Variants in ZMPSTE24 observed in about 807,000 individuals in gnomAD.
The protein encoded by ZMPSTE24 is CAAX prenyl protease 1 homolog.
Under a neutral mutation model 56.7 loss-of-function variants are expected in ZMPSTE24, and 48 were observed. That is an observed-to-expected ratio of 0.85 (90% CI 0.67 to 1.08). ZMPSTE24 has a LOEUF of 1.08. Among genes scored for constraint, ZMPSTE24 ranks in the 50% least tolerant of loss-of-function variants. The probability of loss-of-function intolerance (pLI) is 0.00; values close to 1 mark genes in which losing one functional copy is unlikely to be tolerated. For synonymous variants in ZMPSTE24, 172 were observed against 195.2 expected, an observed-to-expected ratio of 0.88 and a Z score of 0.99; for missense variants, 503 against 548.7, an observed-to-expected ratio of 0.92 and a Z score of 0.83.
At chr1:40,281,668 C>G in intron 7 of ZMPSTE24, 141 bp downstream of exon 7, 1 of 876,288 alleles carries the variant, frequency 1.1e-6, no homozygotes, top group Non-Finnish European at 1.8e-6. Context: ...CTTTATAGTT[C>G]TGGTATTTAG....
intron 6 of ZMPSTE24, among the ~76,000 whole-genome samples, chr1:40,281,083 T>C (rs1386157739): frequency 6.6e-6 from 1 of 152,254 alleles, no homozygotes; most frequent in Non-Finnish European, 1.5e-5. Flanking sequence ...AGTTTTACTA[T>C]AATTGAATCA....
chr1:40,258,385 A>C lies in ZMPSTE24; in HGVS notation c.114A>C (p.Ala38=). The change falls in exon 1 of 10, where the codon GCA becomes GCC. Residue 38 remains alanine (A), a synonymous_variant. Coordinates refer to ENST00000372759, the MANE Select transcript of ZMPSTE24 (RefSeq NM_005857.5). ...TGTATCTTTGGGAGACCTTCCTAGC[A>C]CAGCGGCAGGTGAGCCTAGACAGGG... is the stretch of plus-strand genomic sequence containing the variant. ...WTVYLWETFL[A]QRQRRIYKTT... The C allele has an allele frequency of 6.2e-7, 1 of 1,614,080 alleles. No homozygotes were observed. The highest frequency in any genetic ancestry group is 8.5e-7 in the Non-Finnish European group (1 of 1,180,014).
chr1:40,261,083 A>C, intron 2 of ZMPSTE24, 98 bp downstream of exon 2: 1 of 1,452,792 alleles, frequency 6.9e-7, no homozygotes, highest in Non-Finnish European at 9.6e-7. Context: ...AAGTCCCAGA[A>C]TGCTTTCTTA....
intron 6 of ZMPSTE24, among the ~76,000 whole-genome samples, chr1:40,280,317 G>A (rs1265186828): frequency 1.3e-5 from 2 of 152,156 alleles, no homozygotes; most frequent in Non-Finnish European, 2.9e-5. Context: ...TGCGCTGTAC[G>A]TTCGTTAGCA....
At chr1:40,281,692 T>A (rs1643731934) in intron 7 of ZMPSTE24, among the ~76,000 whole-genome samples, 165 bp downstream of exon 7, 1 of 152,182 alleles carries the variant, frequency 6.6e-6, no homozygotes, top group Admixed American at 6.5e-5. Flanking sequence ...AGATCACCAC[T>A]ATTATTACAT....
chr1:40,265,747 C>T (rs1432874487), intron 2 of ZMPSTE24, among the ~76,000 whole-genome samples: 1 of 152,142 alleles, frequency 6.6e-6, no homozygotes, highest in Non-Finnish European at 1.5e-5. Flanking sequence ...CTTTAGTGTA[C>T]ATCAGGTTTA....
intron 6 of ZMPSTE24, among the ~76,000 whole-genome samples, chr1:40,273,250 G>A (rs937012029): frequency 6.6e-6 from 1 of 152,106 alleles, no homozygotes; most frequent in African/African-American, 2.4e-5. Context: ...GGGCGCTGTG[G>A]CTCACGCCTG....
At chr1:40,262,809 G>T (rs568331965) in intron 2 of ZMPSTE24, 3 of 1,179,510 alleles carry the variant, frequency 2.5e-6, no homozygotes, top group Non-Finnish European at 3.2e-6. Context: ...TTTGTCAACT[G>T]ACATTTCCCC....
intron 5 of ZMPSTE24, among the ~76,000 whole-genome samples, chr1:40,270,598 G>A (rs1454179125): frequency 1.3e-5 from 2 of 151,576 alleles, no homozygotes; most frequent in Non-Finnish European, 2.9e-5. Flanking sequence ...TCCCTTCTTT[G>A]CCCCATCTGC....
At chr1:40,265,641 A>C (rs571383993) in intron 2 of ZMPSTE24, among the ~76,000 whole-genome samples, 1 of 152,294 alleles carries the variant, frequency 6.6e-6, no homozygotes, top group East Asian at 1.9e-4. Flanking sequence ...AAATTCAGTA[A>C]GCTATGATCA....
chr1:40,282,287 A>G (rs1215237572), intron 7 of ZMPSTE24, among the ~76,000 whole-genome samples: 1 of 152,212 alleles, frequency 6.6e-6, no homozygotes, highest in Non-Finnish European at 1.5e-5. Flanking sequence ...CTTTTCGTGG[A>G]TAAGATTGAC....
At chr1:40,281,071 A>G (rs1337087725) in intron 6 of ZMPSTE24, among the ~76,000 whole-genome samples, 1 of 152,198 alleles carries the variant, frequency 6.6e-6, no homozygotes, top group Non-Finnish European at 1.5e-5. Context: ...ATTCCATTTC[A>G]TAGTTTTACT....
chr1:40,266,774 T>G (rs1643553330), intron 2 of ZMPSTE24, among the ~76,000 whole-genome samples: 1 of 143,524 alleles, frequency 7.0e-6, no homozygotes, highest in Non-Finnish European at 1.5e-5. Flanking sequence ...TTTTTTTTTT[T>G]TTTTTTTTTT....
At chr1:40,290,728 C>G in intron 8 of ZMPSTE24, 126 bp from the exon 9 acceptor site, 1 of 1,114,954 alleles carries the variant, frequency 9.0e-7, no homozygotes, top group East Asian at 2.5e-5. Flanking sequence ...TCCCAAAGTG[C>G]TGGGATTACA....
At chr1:40,270,473 T>C (rs1643603252) in intron 5 of ZMPSTE24, among the ~76,000 whole-genome samples, 1 of 152,186 alleles carries the variant, frequency 6.6e-6, no homozygotes, top group African/African-American at 2.4e-5. Context: ...CCTAAAATCA[T>C]GGTTATTTTG....
chr1:40,285,851 G>T, intron 7 of ZMPSTE24, 74 bp from the exon 8 acceptor site: 1 of 1,148,740 alleles, frequency 8.7e-7, no homozygotes, highest in Non-Finnish European at 1.3e-6. Flanking sequence ...AATCTATGAA[G>T]GGCTATTACT....
At chr1:40,290,597 A>AC (rs1406059889) in intron 8 of ZMPSTE24, 1 of 366,974 alleles carries the variant, frequency 2.7e-6, no homozygotes, top group Non-Finnish European at 5.2e-6. Flanking sequence ...AGTAGCTGGG[A>AC]CTACAGGCAT....
intron 8 of ZMPSTE24, chr1:40,290,652 C>G (rs1368204882): frequency 2.2e-6 from 1 of 464,812 alleles, no homozygotes; most frequent in Non-Finnish European, 3.9e-6. Context: ...TTAGTAGAGA[C>G]GGGGTTTCAC....
chr1:40,273,540 ATATATATATAT>A (rs1643636833), intron 6 of ZMPSTE24, among the ~76,000 whole-genome samples: 3 of 78,426 alleles, frequency 3.8e-5, no homozygotes, highest in African/African-American at 1.9e-4. Context: ...AAAAAAAAAT[ATATATATATAT>A]ATATATATAT....
Sources: gnomAD v4.1 joint callset for allele counts (sites outside exome capture counted in the v4.1 genomes callset) on GRCh38, gnomAD v4.1.1 for gene constraint, MANE v1.5 for transcripts, NCBI Gene and HGNC (gene_info 2026-07-23, HGNC 2026-07-21) for gene names.